The following GPM6A variants were observed in gnomAD, a reference collection of about 807,000 sequenced individuals.
The protein encoded by GPM6A is glycoprotein M6A, also known as neuronal membrane glycoprotein M6-a.
Under a neutral mutation model 32.1 loss-of-function variants are expected in GPM6A, and 7 were observed. The observed-to-expected ratio is 0.22, with a 90% CI of 0.12 to 0.41. The LOEUF (loss-of-function observed/expected upper bound fraction) is 0.41, where lower values mean the gene tolerates loss of function less well. Among genes scored for constraint, GPM6A ranks in the 10% least tolerant of loss-of-function variants. The probability of loss-of-function intolerance (pLI) is 1.00; values close to 1 mark genes in which losing one functional copy is unlikely to be tolerated. For synonymous variants in GPM6A, 130 were observed against 123.4 expected, an observed-to-expected ratio of 1.05 and a Z score of -0.35; for missense variants, 235 against 347.2, an observed-to-expected ratio of 0.68 and a Z score of 2.57.
chr4:175,884,347 G>C (rs1016001608), intron 1 of GPM6A, among the ~76,000 whole-genome samples: 6 of 152,206 alleles, frequency 3.9e-5, no homozygotes, highest in African/African-American at 1.4e-4. Context: ...ATTCTGAACA[G>C]TTTTAGCAAC....
chr4:175,920,720 G>A (rs746476047), intron 1 of GPM6A, among the ~76,000 whole-genome samples: 16 of 151,862 alleles, frequency 1.1e-4, no homozygotes, highest in South Asian at 2.1e-4. Context: ...GCGGTGGTGC[G>A]TGCCTGTAAT....
chr4:175,738,298 C>G (rs1241958413), intron 1 of GPM6A, among the ~76,000 whole-genome samples: 3 of 152,032 alleles, frequency 2.0e-5, no homozygotes, highest in Non-Finnish European at 4.4e-5. Flanking sequence ...ACCAAACGTT[C>G]AAACCATGTC....
intron 1 of GPM6A, among the ~76,000 whole-genome samples, chr4:175,835,939 T>G (rs560128413): frequency 8.6e-6 from 1 of 116,768 alleles, no homozygotes; most frequent in South Asian, 2.9e-4. Flanking sequence ...ACGTGGAAAG[T>G]TTTTTGTAGG....
At chr4:175,955,609 A>G (rs1311698002) in intron 1 of GPM6A, among the ~76,000 whole-genome samples, 2 of 152,214 alleles carry the variant, frequency 1.3e-5, no homozygotes, top group Non-Finnish European at 2.9e-5. Context: ...AGTTTTATTT[A>G]TGAGTATCCA....
At chr4:175,673,104 T>A (rs945927907) in intron 3 of GPM6A, among the ~76,000 whole-genome samples, 2 of 152,134 alleles carry the variant, frequency 1.3e-5, no homozygotes, top group African/African-American at 4.8e-5. Flanking sequence ...AAAAGTACTT[T>A]CAACCTTATT....
chr4:175,871,331 G>A (rs1024616635), intron 1 of GPM6A, among the ~76,000 whole-genome samples: 4 of 152,124 alleles, frequency 2.6e-5, no homozygotes, highest in Middle Eastern at 3.4e-3. Context: ...TTAGCCGGAT[G>A]TGGTAGTGGA....
At chr4:175,641,998 T>C (rs1161549437) in intron 4 of GPM6A, 1 of 152,178 alleles carries the variant, frequency 6.6e-6, no homozygotes, top group East Asian at 1.9e-4. Flanking sequence ...CTTCTTTATT[T>C]AGTTTTAATA....
Position 175,979,964 on chromosome 4 carries a change from T to C in GPM6A, c.-23+22345A>G, listed in dbSNP as rs147320914. The stretch of plus-strand genomic sequence containing the variant: ...TTGCCCTGACTATAATTAAGAGTAT[T>C]ATTTCATCCAGTAATGAAATTTATA... On this transcript the variant is annotated intron_variant, in intron 1 of 7. Coordinates refer to the GPM6A transcript ENST00000280187. Among the ~76,000 whole-genome samples, 6 of 152,358 alleles carry C rather than the reference T, an allele frequency of 3.9e-5. No homozygotes were observed. In the East Asian group the frequency reaches 1.2e-3, roughly 29 times the overall value.
chr4:175,785,457 C>T (rs1467525302), intron 1 of GPM6A, among the ~76,000 whole-genome samples: 2 of 152,154 alleles, frequency 1.3e-5, no homozygotes, highest in Non-Finnish European at 2.9e-5. Context: ...TTTTGTTATG[C>T]ATCATGCCTC....
Position 175,787,372 on chromosome 4 carries a change from C to T in GPM6A, c.37+24819G>A, listed in dbSNP as rs768561828. On this transcript the variant is annotated intron_variant, in intron 1 of 6. Transcript: ENST00000393658. The stretch of plus-strand genomic sequence containing the variant: ...GTCATAAAAGTGTGATGCTGCCGGC[C>T]GCTGGCTCCTTGTGAACTCTATTTT... 2.1e-4 allele frequency: 320 copies of T among 1,535,214 alleles called. 1 individual carries two copies. Among genetic ancestry groups the T allele is most frequent in the Middle Eastern group, 1.3e-3 (8 of 5,982 alleles).
intron 1 of GPM6A, among the ~76,000 whole-genome samples, chr4:175,838,416 C>G (rs116541497): frequency 6.7e-6 from 1 of 149,988 alleles, no homozygotes; most frequent in Non-Finnish European, 1.5e-5. Context: ...ATGTATATAT[C>G]TATTTCTACC....
intron 1 of GPM6A, among the ~76,000 whole-genome samples, chr4:175,786,344 C>T (rs971761100): frequency 2.0e-5 from 3 of 150,134 alleles, no homozygotes; most frequent in Non-Finnish European, 4.4e-5. Context: ...TGGCAGGTAG[C>T]ATTTGATCCA....
intron 1 of GPM6A, among the ~76,000 whole-genome samples, chr4:175,970,515 T>C (rs1418437644): frequency 1.3e-5 from 2 of 152,230 alleles, no homozygotes; most frequent in Non-Finnish European, 2.9e-5. Context: ...GTTTATAAAA[T>C]AGAGGGCTAC....
At chr4:175,796,878 T>A (rs866489868) in intron 1 of GPM6A, among the ~76,000 whole-genome samples, 3 of 152,216 alleles carry the variant, frequency 2.0e-5, no homozygotes, top group African/African-American at 7.2e-5. Flanking sequence ...ATTTCTTTCC[T>A]GTCTAAACAT....
chr4:175,939,963 T>A (rs899760114), intron 1 of GPM6A, among the ~76,000 whole-genome samples: 1 of 152,014 alleles, frequency 6.6e-6, no homozygotes, highest in African/African-American at 2.4e-5. Flanking sequence ...AATGCATACA[T>A]GCCATGAAGA....
intron 6 of GPM6A, among the ~76,000 whole-genome samples, chr4:175,638,021 A>T (rs1740914197): frequency 6.8e-6 from 1 of 147,984 alleles, no homozygotes; most frequent in Non-Finnish European, 1.5e-5. Context: ...TGCAGGGCTT[A>T]TTACTGTCCC....
chr4:175,906,453 T>C (rs1207645525), intron 1 of GPM6A, among the ~76,000 whole-genome samples: 2 of 152,162 alleles, frequency 1.3e-5, no homozygotes, highest in Non-Finnish European at 2.9e-5. Flanking sequence ...GACAAATAGA[T>C]AAAAACCAAT....
intron 1 of GPM6A, among the ~76,000 whole-genome samples, chr4:175,736,995 C>T (rs1446005756): frequency 6.6e-6 from 1 of 152,186 alleles, no homozygotes; most frequent in Non-Finnish European, 1.5e-5. Flanking sequence ...ATGTACAGTG[C>T]ATAACACTTG....
intron 1 of GPM6A, among the ~76,000 whole-genome samples, chr4:175,759,239 A>G (rs76837308): frequency 0.016 from 2,405 of 152,120 alleles, 78 homozygotes; most frequent in African/African-American, 0.055. Flanking sequence ...CTGCCTCATG[A>G]TGATGGTTTT....
Sources: allele counts gnomAD v4.1 joint callset (sites outside exome capture counted in the v4.1 genomes callset), GRCh38; gene constraint gnomAD v4.1.1; transcripts MANE v1.5; gene names NCBI Gene and HGNC (gene_info 2026-07-23, HGNC 2026-07-21).